The following LETM2 variants were observed in gnomAD, a reference collection of about 807,000 sequenced individuals.
LETM2 encodes LETM1 domain-containing protein LETM2, mitochondrial.
LETM2 carries 58 observed loss-of-function variants against 59.6 expected under a neutral mutation model. The ratio of observed to expected loss-of-function variants is 0.97; its 90% CI spans 0.79 to 1.21. The LOEUF (loss-of-function observed/expected upper bound fraction) is 1.21. Ranked by LOEUF, LETM2 falls within the 50% of genes most tolerant of loss-of-function variation. LETM2 has a pLI of 0.00. For missense variants in LETM2, 572 were observed against 575.7 expected, an observed-to-expected ratio of 0.99 and a Z score of 0.07; for synonymous variants, 199 against 214.1, an observed-to-expected ratio of 0.93 and a Z score of 0.62.
chr8:38,408,608 A>T lies in LETM2; in HGVS notation c.*334A>T. 4.9e-6 allele frequency: 1 copy of T among 203,122 alleles called. No individual in the cohort carries two copies. Among genetic ancestry groups the T allele is most frequent in the Non-Finnish European group, 1.0e-5 (1 of 98,354 alleles). The allele number at this position is 203,122 out of a possible 1,614,324, so 12.6% of individuals were successfully genotyped here. ...AGGAAATTTTTTGCACAATGGAATCAGCTTGGCACCTTAGATACCTGTCTC... is the reference window on the plus strand; with the variant it reads ...AGGAAATTTTTTGCACAATGGAATCTGCTTGGCACCTTAGATACCTGTCTC... On this transcript the variant is annotated 3_prime_UTR_variant, in exon 11 of 11. Transcript: ENST00000379957.
chr8:38,404,538 G>A (rs754879856), intron 8 of LETM2, 32 bp downstream of exon 8: 7 of 1,411,516 alleles, frequency 5.0e-6, no homozygotes, highest in South Asian at 1.1e-5. Context: ...GACCCTCGAC[G>A]TCCATCCAAC....
chr8:38,385,577 T>C (rs1811739161), upstream of LETM2, among the ~76,000 whole-genome samples: 2 of 152,118 alleles, frequency 1.3e-5, no homozygotes, highest in South Asian at 4.1e-4. Flanking sequence ...TATTTTTTTT[T>C]AGTAGAGACA....
At chr8:38,390,535 T>G (rs1812145410) in intron 2 of LETM2, among the ~76,000 whole-genome samples, 1 of 133,646 alleles carries the variant, frequency 7.5e-6, no homozygotes, top group African/African-American at 2.9e-5. Context: ...GGCAGGAGAA[T>G]CATTTGAACC....
At chr8:38,394,289 G>A (rs1367297337) in intron 4 of LETM2, 48 bp downstream of exon 4, 9 of 1,161,184 alleles carry the variant, frequency 7.8e-6, no homozygotes, top group Non-Finnish European at 1.0e-5. Context: ...TATTAGAGGA[G>A]TTTTTAGGTT....
At chr8:38,388,859 A>T (rs528865394) in intron 2 of LETM2, among the ~76,000 whole-genome samples, 1 of 151,526 alleles carries the variant, frequency 6.6e-6, no homozygotes, top group African/African-American at 2.4e-5. Flanking sequence ...TCCAACTCCC[A>T]GGTTCAAGAG....
At chr8:38,391,918 C>T (rs2956727) in intron 2 of LETM2, among the ~76,000 whole-genome samples, 1 of 151,652 alleles carries the variant, frequency 6.6e-6, no homozygotes, top group Non-Finnish European at 1.5e-5. Context: ...TCTTGAACTC[C>T]TGACCTCAGG....
chr8:38,402,627 C>T lies in LETM2; in HGVS notation c.1087C>T (p.Arg363Ter), dbSNP rs202148627. Residue 363 changes from arginine (R) to a stop codon, truncating the protein, a stop_gained, in exon 7 of 11, where the codon CGA becomes TGA. Coordinates refer to ENST00000379957, the MANE Select transcript of LETM2 (RefSeq NM_001286819.2). LOFTEE classifies it high-confidence loss of function. ...RSLGLTEEQL[R>*]QQLTEWQDLH... ...ACTGGGTCTCACGGAGGAACAACTG[C>T]GACAACAGCTCACGGAGGCAAGTAG... is the stretch of plus-strand genomic sequence containing the variant. 24 of 1,614,154 alleles carry T rather than the reference C, an allele frequency of 1.5e-5. 1 individual carries two copies. Among genetic ancestry groups the T allele is most frequent in the South Asian group, 8.8e-5 (8 of 91,086 alleles).
chr8:38,408,349 G>C lies in LETM2; in HGVS notation c.*75G>C. ...AGTGGCATCTGTAAAGGACCTCCCA[G>C]ATAAGACTGTCTGGCTTCAGAGAGC... On this transcript the variant is annotated 3_prime_UTR_variant, in exon 11 of 11. Coordinates refer to ENST00000379957, the MANE Select transcript of LETM2 (RefSeq NM_001286819.2). The C allele has an allele frequency of 7.8e-7, 1 of 1,275,000 alleles. No homozygotes were observed. The highest frequency in any genetic ancestry group is 1.1e-6 in the Non-Finnish European group (1 of 889,102). 79.0% of individuals were successfully genotyped at this position (1,275,000 alleles called of 1,614,324 possible).
intron 10 of LETM2, 37 bp downstream of exon 10, chr8:38,407,500 C>A: frequency 1.5e-6 from 2 of 1,330,586 alleles, no homozygotes; most frequent in Non-Finnish European, 2.2e-6. Context: ...AAAGAGAAGA[C>A]CCTTTCCCTC....
chr8:38,395,448 G>A (rs1230609536), intron 4 of LETM2, among the ~76,000 whole-genome samples: 1 of 152,126 alleles, frequency 6.6e-6, no homozygotes, highest in Non-Finnish European at 1.5e-5. Context: ...TCCTGATGTC[G>A]AGTATCTTTC....
Position 38,404,741 on chromosome 8 carries a change from A to T in LETM2, c.1218+235A>T, listed in dbSNP as rs553281803. 68 of 428,808 alleles carry T rather than the reference A, an allele frequency of 1.6e-4. 2 individuals are homozygous for T. The South Asian group carries it at 1.6e-3, about 10-fold the overall frequency. The allele number at this position is 428,808 out of a possible 1,614,324, so 26.6% of individuals were successfully genotyped here. A position where few individuals can be genotyped will look rare whatever the true frequency, so the allele number is the denominator to read the frequency against. On this transcript the variant is annotated intron_variant, in intron 8 of 10. Transcript: ENST00000379957. ...ACGCCTGTAATCCCAGCACTTTGGG[A>T]GGCCGAGGTAGGTGGATCACCTGAG...
At chr8:38,402,728 G>T in intron 7 of LETM2, 84 bp downstream of exon 7, 1 of 1,408,696 alleles carries the variant, frequency 7.1e-7, no homozygotes, top group Non-Finnish European at 1.0e-6. Context: ...TTTCTCCTTT[G>T]CAAGTGAACC....
In LETM2 at chr8:38,400,375, A is replaced by G. The variant is rs1407959925; in HGVS notation, c.749A>G (p.Asp250Gly). 1 of 1,613,204 alleles carries G rather than the reference A, an allele frequency of 6.2e-7. No homozygotes were observed. The highest frequency in any genetic ancestry group is 8.5e-7 in the Non-Finnish European group (1 of 1,179,700). Reference protein sequence around the residue: ...MARRNRAKMGDASTQLSSYVK... With the variant: ...MARRNRAKMGGASTQLSSYVK... Reference sequence around the variant, plus strand: ...AGGAGGAACAGAGCCAAGATGGGCGATGCCTCTACACAGCTCTCATCCTAC... The same window carrying G: ...AGGAGGAACAGAGCCAAGATGGGCGGTGCCTCTACACAGCTCTCATCCTAC... Residue 250 changes from aspartate to glycine, a missense_variant, in exon 5 of 11, where the codon GAT (aspartate) becomes GGT (glycine). Coordinates refer to ENST00000379957, the MANE Select transcript of LETM2 (RefSeq NM_001286819.2).
intron 8 of LETM2, among the ~76,000 whole-genome samples, chr8:38,406,092 T>C (rs1373901505): frequency 2.0e-5 from 3 of 152,212 alleles, no homozygotes; most frequent in South Asian, 4.1e-4. Flanking sequence ...CACAGTGATA[T>C]ATGTTTTTCA....
upstream of LETM2, among the ~76,000 whole-genome samples, chr8:38,384,172 T>C (rs1811684614): frequency 6.6e-6 from 1 of 152,194 alleles, no homozygotes; most frequent in Admixed American, 6.5e-5. Flanking sequence ...CTTCTTTTTC[T>C]TCCTCCTGTG....
rs975294375 is a variant in LETM2 at position 38,408,392 on chromosome 8, C to T, written c.*118C>T. On this transcript the variant is annotated 3_prime_UTR_variant, in exon 11 of 11. Coordinates refer to ENST00000379957, the MANE Select transcript of LETM2 (RefSeq NM_001286819.2). ...CAGAGAGCGGATCAGCTGTTTAGCC[C>T]GTGGGGCAGTCCTTTGAGGCCTGGT... The T allele has an allele frequency of 6.0e-5, 51 of 854,936 alleles. No individual in the cohort carries two copies. The Middle Eastern group carries it at 8.5e-4, about 14-fold the overall frequency. 53.0% of individuals were successfully genotyped at this position (854,936 alleles called of 1,614,324 possible). A position where few individuals can be genotyped will look rare whatever the true frequency, so the allele number is the denominator to read the frequency against.
intron 8 of LETM2, among the ~76,000 whole-genome samples, chr8:38,405,913 G>C (rs921710419): frequency 2.0e-5 from 3 of 152,184 alleles, no homozygotes; most frequent in Non-Finnish European, 4.4e-5. Context: ...TCCTAAGCAA[G>C]TTATTGGCTT....
chr8:38,409,038 A>AT lies in LETM2; in HGVS notation c.*765dup, dbSNP rs1490454562. On this transcript the variant is annotated 3_prime_UTR_variant, in exon 11 of 11. Transcript: ENST00000379957. The stretch of plus-strand genomic sequence containing the variant: ...TTTCTGGCCAGTTTGTCTTTCACAA[A>AT]TAAGACTATTAGTCATAGGGATTGT... 1 of 152,248 alleles carries AT rather than the reference A, an allele frequency of 6.6e-6. No homozygotes were observed. Among genetic ancestry groups the AT allele is most frequent in the Non-Finnish European group, 1.5e-5 (1 of 68,062 alleles). 9.4% of individuals were successfully genotyped at this position (152,248 alleles called of 1,614,324 possible).
In LETM2 at chr8:38,387,137, G is replaced by A. The variant is rs928117702; in HGVS notation, c.-35+569G>A. On this transcript the variant is annotated intron_variant, in intron 1 of 10. Transcript: ENST00000379957. The stretch of plus-strand genomic sequence containing the variant: ...CCCGGGCCCGAGCGGATTAACCGCC[G>A]CCTCAGGTGTCGTCTCCTGCCCGCG... 3.9e-5 allele frequency: 6 copies of A among 152,242 alleles called. No homozygotes were observed. In the East Asian group the frequency reaches 1.2e-3, roughly 29 times the overall value. The allele number at this position is 152,242 out of a possible 1,614,324, so 9.4% of individuals were successfully genotyped here.
Sources: gnomAD v4.1 joint callset for allele counts (sites outside exome capture counted in the v4.1 genomes callset) on GRCh38, gnomAD v4.1.1 for gene constraint, MANE v1.5 for transcripts, NCBI Gene and HGNC (gene_info 2026-07-23, HGNC 2026-07-21) for gene names.